Variants in NCOA2 observed in about 807,000 individuals in gnomAD.
NCOA2 encodes nuclear receptor coactivator 2, also known as class E basic helix-loop-helix protein 75.
A neutral mutation model predicts 145.1 loss-of-function variants in NCOA2; 21 were observed. The observed-to-expected ratio is 0.14, with a 90% CI of 0.10 to 0.21. The LOEUF is 0.21. NCOA2 is among the 10% of genes least tolerant of loss of function. The pLI, the probability that NCOA2 is intolerant of heterozygous loss-of-function variation, is 1.00. For synonymous variants in NCOA2, 619 were observed against 637.5 expected, an observed-to-expected ratio of 0.97 and a Z score of 0.44; for missense variants, 1,472 against 1,837.6, an observed-to-expected ratio of 0.80 and a Z score of 3.64.
intron 1 of NCOA2, among the ~76,000 whole-genome samples, chr8:70,394,548 A>G (rs1289134612): frequency 2.6e-5 from 4 of 152,232 alleles, no homozygotes; most frequent in African/African-American, 9.7e-5. Flanking sequence ...TTAAAACAGT[A>G]ACAAGAACAC....
At chr8:70,199,111 AG>A (rs890567488) in intron 4 of NCOA2, among the ~76,000 whole-genome samples, 4 of 152,138 alleles carry the variant, frequency 2.6e-5, no homozygotes, top group Non-Finnish European at 5.9e-5. Context: ...GGTTTAGATG[AG>A]GAAAAAAAGC....
the NCOA2 span, among the ~76,000 whole-genome samples, chr8:70,443,554 C>G: frequency 6.6e-6 from 1 of 151,990 alleles, no homozygotes; most frequent in South Asian, 2.1e-4. Flanking sequence ...TTCTATTTTT[C>G]TATCTGTCTG....
At chr8:70,395,341 A>G (rs1309722657) in intron 1 of NCOA2, among the ~76,000 whole-genome samples, 2 of 152,186 alleles carry the variant, frequency 1.3e-5, no homozygotes, top group African/African-American at 4.8e-5. Flanking sequence ...CTACATCCAG[A>G]ACAGGCTGCT....
intron 2 of NCOA2, among the ~76,000 whole-genome samples, chr8:70,287,376 G>A (rs953303063): frequency 6.6e-6 from 1 of 151,996 alleles, no homozygotes; most frequent in South Asian, 2.1e-4. Flanking sequence ...ACAAAAGAAT[G>A]TACTCTTTTC....
the NCOA2 span, among the ~76,000 whole-genome samples, chr8:70,415,404 C>T: frequency 3.1e-3 from 466 of 152,176 alleles, 5 homozygotes; most frequent in African/African-American, 0.011. Flanking sequence ...ACAGCAGATG[C>T]GGCCCATACT....
At position 70,128,522 on chromosome 8, in the gene NCOA2, C is replaced by A; in HGVS notation, c.3604-12G>T. 1.2e-6 allele frequency: 2 copies of A among 1,609,828 alleles called. No individual in the cohort carries two copies. The highest frequency in any genetic ancestry group is 2.2e-5 in the East Asian group (1 of 44,838). ...AGTGGCTGGCGATTCTAAATACATA[C>A]AAACAGGATGAATACATTTTAAGAA... On this transcript the variant is annotated splice_polypyrimidine_tract_variant and intron_variant, in intron 17 of 22. Transcript: ENST00000452400.
chr8:70,114,733 T>C (rs1459885303), intron 22 of NCOA2, among the ~76,000 whole-genome samples: 1 of 152,238 alleles, frequency 6.6e-6, no homozygotes, highest in Non-Finnish European at 1.5e-5. Context: ...GATTTAGATA[T>C]TTAGACACAG....
chr8:70,235,857 T>C (rs921856499), intron 2 of NCOA2, among the ~76,000 whole-genome samples: 5 of 152,140 alleles, frequency 3.3e-5, no homozygotes, highest in Non-Finnish European at 5.9e-5. Flanking sequence ...AAACAAATTT[T>C]TTTTCTTAAA....
At chr8:70,364,672 T>G (rs925441554) in intron 1 of NCOA2, among the ~76,000 whole-genome samples, 1 of 149,914 alleles carries the variant, frequency 6.7e-6, no homozygotes, top group South Asian at 2.1e-4. Context: ...ATGGAAGAGA[T>G]AAGACTCAAA....
intron 22 of NCOA2, among the ~76,000 whole-genome samples, chr8:70,116,863 G>C (rs1807196206): frequency 6.6e-6 from 1 of 152,234 alleles, no homozygotes; most frequent in Admixed American, 6.5e-5. Context: ...TCAGTGGCCT[G>C]AGCAAGATGG....
chr8:70,413,938 G>C, the NCOA2 span, among the ~76,000 whole-genome samples: 2 of 152,116 alleles, frequency 1.3e-5, no homozygotes, highest in Admixed American at 6.6e-5. Flanking sequence ...TGCCCTTTTA[G>C]ATGATTAATG....
chr8:70,287,271 T>C (rs1300927959), intron 2 of NCOA2, among the ~76,000 whole-genome samples: 1 of 152,050 alleles, frequency 6.6e-6, no homozygotes, highest in Non-Finnish European at 1.5e-5. Flanking sequence ...ATTAATTAAT[T>C]AATTAGGTTT....
rs367923901 is a variant in NCOA2, at chr8:70,166,699, A to C, written c.597T>G (p.Asn199Lys). The part of the protein sequence containing the change: ...EPPRRNSHTF[N>K]CRMLVKPLPD... ...GTAAAGGTTTTACCAGCATCCGACA[A>C]TTGAAGGTATGGCTGTTCCGCCTCG... The change falls in exon 7 of 23, where the codon AAT (asparagine) becomes AAG (lysine). Residue 199 changes from asparagine to lysine, a missense_variant. Around this residue, in one of 4 missense-constraint regions of NCOA2, gnomAD observed 284 missense variants for 467.8 expected, o/e 0.61. Transcript: ENST00000452400. 11 of 1,613,900 alleles carry C rather than the reference A, an allele frequency of 6.8e-6. No homozygotes were observed. Among genetic ancestry groups the C allele is most frequent in the Non-Finnish European group, 6.8e-6 (8 of 1,179,888 alleles).
intron 1 of NCOA2, among the ~76,000 whole-genome samples, chr8:70,372,367 A>AATGT (rs1811297478): frequency 1.3e-5 from 2 of 152,212 alleles, no homozygotes; most frequent in Non-Finnish European, 2.9e-5. Context: ...ATGCTTTAAC[A>AATGT]TGTTCAGAAG....
chr8:70,426,530 A>C, the NCOA2 span, among the ~76,000 whole-genome samples: 2 of 152,234 alleles, frequency 1.3e-5, no homozygotes, highest in African/African-American at 4.8e-5. Context: ...CTTTAAGTTA[A>C]AGGCAGGCAC....
At chr8:70,182,088 A>T (rs897252492) in intron 4 of NCOA2, among the ~76,000 whole-genome samples, 1 of 152,264 alleles carries the variant, frequency 6.6e-6, no homozygotes, top group African/African-American at 2.4e-5. Context: ...CTGCTAACAT[A>T]AAAACACAAG....
intron 1 of NCOA2, among the ~76,000 whole-genome samples, chr8:70,341,082 G>C (rs79461563): frequency 1.9e-5 from 2 of 105,070 alleles, no homozygotes; most frequent in Non-Finnish European, 4.2e-5. Flanking sequence ...TTAAAAAGTT[G>C]AAAAAAAAAA....
intron 2 of NCOA2, among the ~76,000 whole-genome samples, chr8:70,251,661 A>G (rs1166781642): frequency 6.6e-6 from 1 of 152,254 alleles, no homozygotes; most frequent in Non-Finnish European, 1.5e-5. Flanking sequence ...TGGGCTTCCA[A>G]AAATGCCAAA....
At chr8:70,243,791 G>GAA (rs200949977) in intron 2 of NCOA2, among the ~76,000 whole-genome samples, 6,553 of 99,482 alleles carry the variant, frequency 0.066, 225 homozygotes, top group East Asian at 0.2. Context: ...ATAAAAAATG[G>GAA]AAAAAAAAAA....
Sources: allele counts gnomAD v4.1 joint callset (sites outside exome capture counted in the v4.1 genomes callset), GRCh38; gene constraint gnomAD v4.1.1; regional missense constraint gnomAD v4.1.1; transcripts MANE v1.5; gene names NCBI Gene and HGNC (gene_info 2026-07-23, HGNC 2026-07-21).